The following GJB7 variants were observed in gnomAD, a reference collection of about 807,000 sequenced individuals.
GJB7 encodes gap junction protein beta 7.
For missense variants in GJB7, 253 were observed against 256.8 expected (o/e 0.99, Z 0.10); for synonymous variants, 87 against 95.2 (o/e 0.91, Z 0.50).
chr6:87,316,982 C>T (rs1776592751), intron 2 of GJB7, among the ~76,000 whole-genome samples: 2 of 152,154 alleles, frequency 1.3e-5, no homozygotes. Flanking sequence ...CAGCCACATA[C>T]CATCCTCTGT....
intron 2 of GJB7, among the ~76,000 whole-genome samples, chr6:87,288,748 C>A (rs1215277294): frequency 1.3e-5 from 2 of 152,098 alleles, no homozygotes; most frequent in Non-Finnish European, 2.9e-5. Flanking sequence ...TCAAACCCCA[C>A]ATCCAATCTA....
chr6:87,284,632 T>G lies in GJB7; in HGVS notation c.281A>C (p.His94Pro), dbSNP rs376528262. The G allele has an allele frequency of 6.2e-7, 1 of 1,614,210 alleles. No individual in the cohort carries two copies. Among genetic ancestry groups the G allele is most frequent in the Admixed American group, 1.7e-5 (1 of 60,020 alleles). The change falls in exon 3 of 3, where the codon CAT becomes CCT. Residue 94 changes from histidine (H) to proline (P), a missense_variant. Transcript: ENST00000525899. ...CTCTCTACCCTCATGATAGGCTACA[T>G]GTAAAACCACCAGAAGTGAAGGTGT... ...VSTPSLLVVL[H>P]VAYHEGREKR...
rs751663404 is a variant in GJB7, at chr6:87,284,682, C to T, written c.231G>A (p.Trp77Ter). ...TGGAGACCATTATCAGTTGTAAGGC[C>T]CAAAGTCTGACTTGGGAAATGGGGA... is the stretch of plus-strand genomic sequence containing the variant. Reference protein sequence around the residue: ...DFFPISQVRLWALQLIMVSTP... With the variant: ...DFFPISQVRL The change falls in exon 3 of 3, where the codon TGG becomes TGA. Residue 77 changes from tryptophan (W) to a stop codon, truncating the protein, a stop_gained. Coordinates refer to ENST00000525899, the MANE Select transcript of GJB7 (RefSeq NM_198568.3). LOFTEE classifies it low-confidence loss of function (END_TRUNC). 5.6e-6 allele frequency: 9 copies of T among 1,614,098 alleles called. No individual in the cohort carries two copies. The highest frequency in any genetic ancestry group is 2.2e-5 in the East Asian group (1 of 44,880).
chr6:87,314,348 CT>C (rs1776553072), intron 2 of GJB7, among the ~76,000 whole-genome samples: 1 of 152,124 alleles, frequency 6.6e-6, no homozygotes, highest in Non-Finnish European at 1.5e-5. Flanking sequence ...GAGGGCTCCC[CT>C]TTTTTCCCTC....
intron 2 of GJB7, 158 bp downstream of exon 2, chr6:87,322,708 C>G (rs776614760): frequency 2.6e-5 from 4 of 152,204 alleles, no homozygotes; most frequent in Non-Finnish European, 5.9e-5. Context: ...CCATCACGCT[C>G]CCGTCTCTGC....
intron 2 of GJB7, among the ~76,000 whole-genome samples, chr6:87,288,572 T>C (rs1400693284): frequency 6.6e-6 from 1 of 152,214 alleles, no homozygotes; most frequent in Non-Finnish European, 1.5e-5. Context: ...TCTCATAAAC[T>C]TAAAATATTC....
intron 2 of GJB7, among the ~76,000 whole-genome samples, chr6:87,305,484 T>C (rs941802257): frequency 2.0e-5 from 3 of 152,094 alleles, no homozygotes; most frequent in African/African-American, 7.2e-5. Context: ...GTGAAGGACC[T>C]CTTCAAGGAG....
At chr6:87,324,378 T>C (rs1462249865) in intron 1 of GJB7, among the ~76,000 whole-genome samples, 1 of 152,108 alleles carries the variant, frequency 6.6e-6, no homozygotes, top group Non-Finnish European at 1.5e-5. Context: ...GCTTAGGTTT[T>C]CTTCTAGGGT....
chr6:87,317,220 C>T (rs1372568038), intron 2 of GJB7, among the ~76,000 whole-genome samples: 2 of 129,174 alleles, frequency 1.5e-5, no homozygotes, highest in East Asian at 2.3e-4. Context: ...AAAAATTAGC[C>T]GGGCATGATG....
Position 87,328,993 on chromosome 6 carries a change from C to T in GJB7, c.-206+145G>A, listed in dbSNP as rs186623083. 7.3e-4 allele frequency: 113 copies of T among 154,046 alleles called. 1 individual carries two copies. The East Asian group carries it at 0.021, about 28-fold the overall frequency. 9.5% of individuals were successfully genotyped at this position (154,046 alleles called of 1,614,324 possible). A position where few individuals can be genotyped will look rare whatever the true frequency, so the allele number is the denominator to read the frequency against. On this transcript the variant is annotated intron_variant, in intron 1 of 2. Transcript: ENST00000525899. ...AAGCCCGTCGGAAAAGCGCAGGATT[C>T]GGGTGGGAGTGACCCGATTTTCCAT... is the stretch of plus-strand genomic sequence containing the variant.
At chr6:87,308,392 G>T (rs1204353397) in intron 2 of GJB7, among the ~76,000 whole-genome samples, 1 of 152,022 alleles carries the variant, frequency 6.6e-6, no homozygotes, top group Non-Finnish European at 1.5e-5. Flanking sequence ...ATCAATTACA[G>T]ATTCTAATTA....
intron 2 of GJB7, among the ~76,000 whole-genome samples, chr6:87,304,717 A>C (rs1382911990): frequency 6.6e-6 from 1 of 152,194 alleles, no homozygotes; most frequent in Non-Finnish European, 1.5e-5. Context: ...GCAGAGACAC[A>C]ACAAAAAAAG....
At chr6:87,304,228 T>C (rs1776383497) in intron 2 of GJB7, among the ~76,000 whole-genome samples, 1 of 152,032 alleles carries the variant, frequency 6.6e-6, no homozygotes, top group Non-Finnish European at 1.5e-5. Context: ...AAAAAATCAA[T>C]GAATCCAGGA....
chr6:87,294,347 A>G (rs570557039), intron 2 of GJB7, among the ~76,000 whole-genome samples: 4 of 152,362 alleles, frequency 2.6e-5, no homozygotes, highest in African/African-American at 9.6e-5. Flanking sequence ...GTCCCCCTCA[A>G]TGAACCACAC....
At chr6:87,315,934 G>A (rs1015898994) in intron 2 of GJB7, among the ~76,000 whole-genome samples, 1 of 151,920 alleles carries the variant, frequency 6.6e-6, no homozygotes, top group Non-Finnish European at 1.5e-5. Flanking sequence ...ATTACATATG[G>A]TAACATAACT....
At chr6:87,328,954 G>A (rs912583580) in intron 1 of GJB7, among the ~76,000 whole-genome samples, 184 bp downstream of exon 1, 2 of 152,214 alleles carry the variant, frequency 1.3e-5, no homozygotes, top group African/African-American at 2.4e-5. Flanking sequence ...TAATCTCGTG[G>A]TGCGCCATTT....
At chr6:87,291,271 C>T (rs1234341991) in intron 2 of GJB7, among the ~76,000 whole-genome samples, 1 of 152,042 alleles carries the variant, frequency 6.6e-6, no homozygotes, top group African/African-American at 2.4e-5. Flanking sequence ...AGCCATAAAT[C>T]TACAAGTAGT....
Position 87,283,096 on chromosome 6 carries a change from A to G in GJB7, c.*1145T>C, listed in dbSNP as rs1776000481. Reference sequence around the variant, plus strand: ...AATATAGAAAAGTAAAGAAAGTTCTAGTCTTCAAAACAAGTGATAAACTTT... The same window carrying G: ...AATATAGAAAAGTAAAGAAAGTTCTGGTCTTCAAAACAAGTGATAAACTTT... On this transcript the variant is annotated 3_prime_UTR_variant, in exon 3 of 3. Transcript: ENST00000525899. The G allele has an allele frequency of 6.6e-6, 1 of 152,232 alleles. No individual in the cohort carries two copies. Among genetic ancestry groups the G allele is most frequent in the Non-Finnish European group, 1.5e-5 (1 of 68,036 alleles). 9.4% of individuals were successfully genotyped at this position (152,232 alleles called of 1,614,324 possible).
intron 1 of GJB7, among the ~76,000 whole-genome samples, chr6:87,324,047 T>C (rs1241416786): frequency 1.3e-5 from 2 of 150,334 alleles, no homozygotes; most frequent in Non-Finnish European, 3.0e-5. Context: ...TTTTTTCATG[T>C]GTGTTTTGGC....
Sources: allele counts gnomAD v4.1 joint callset (sites outside exome capture counted in the v4.1 genomes callset), GRCh38; gene constraint gnomAD v4.1.1; transcripts MANE v1.5; gene names NCBI Gene and HGNC (gene_info 2026-07-23, HGNC 2026-07-21).